The following REC114 variants were observed in gnomAD, a reference collection of about 807,000 sequenced individuals.
REC114 encodes REC114 meiotic recombination protein.
REC114 carries 27 observed loss-of-function variants against 31.3 expected under a neutral mutation model. The ratio of observed to expected loss-of-function variants is 0.86; its 90% CI spans 0.64 to 1.19. The LOEUF is 1.19. REC114 is among the 50% of genes most tolerant of loss of function. REC114 has a pLI of 0.00. For missense variants in REC114, 344 were observed against 326.9 expected (o/e 1.05, Z -0.40); for synonymous variants, 134 against 127.7 (o/e 1.05, Z -0.33).
At chr15:73,493,463 C>A (rs1352123024) in intron 2 of REC114, among the ~76,000 whole-genome samples, 1 of 151,726 alleles carries the variant, frequency 6.6e-6, no homozygotes, top group Non-Finnish European at 1.5e-5. Flanking sequence ...TTAAGTTTTC[C>A]CCTTTCATTT....
intron 4 of REC114, among the ~76,000 whole-genome samples, 184 bp downstream of exon 4, chr15:73,551,334 G>A (rs1894390029): frequency 6.6e-6 from 1 of 152,158 alleles, no homozygotes; most frequent in African/African-American, 2.4e-5. Context: ...ATTAGGCAGG[G>A]AGGAGTTCCA....
At chr15:73,528,559 C>G (rs1055886271) in intron 2 of REC114, among the ~76,000 whole-genome samples, 10 of 152,164 alleles carry the variant, frequency 6.6e-5, no homozygotes, top group Non-Finnish European at 1.2e-4. Context: ...GCACACAATG[C>G]GTGGGACACA....
At chr15:73,537,072 GTT>G in intron 2 of REC114, among the ~76,000 whole-genome samples, 1 of 152,202 alleles carries the variant, frequency 6.6e-6, no homozygotes, top group Non-Finnish European at 1.5e-5. Flanking sequence ...ACCTTCTAGT[GTT>G]AAGCACTATA....
intron 2 of REC114, among the ~76,000 whole-genome samples, chr15:73,485,287 T>C (rs539550840): frequency 1.6e-4 from 25 of 152,268 alleles, no homozygotes; most frequent in Non-Finnish European, 3.5e-4. Context: ...TTTCACCGTG[T>C]TGGCCAGGAT....
chr15:73,460,094 A>G (rs1448778918), intron 1 of REC114, among the ~76,000 whole-genome samples: 1 of 152,176 alleles, frequency 6.6e-6, no homozygotes, highest in Non-Finnish European at 1.5e-5. Context: ...GTTCTAAAGC[A>G]TTAGTTTATA....
chr15:73,516,861 A>G (rs1893865251), intron 2 of REC114, among the ~76,000 whole-genome samples: 1 of 152,138 alleles, frequency 6.6e-6, no homozygotes, highest in Non-Finnish European at 1.5e-5. Flanking sequence ...TCCTGATCGG[A>G]GGTGATCTGC....
intron 2 of REC114, among the ~76,000 whole-genome samples, chr15:73,494,516 A>C (rs571883681): frequency 6.6e-6 from 1 of 151,892 alleles, no homozygotes; most frequent in South Asian, 2.1e-4. Context: ...AAAATTGAAG[A>C]TATTTTCTTA....
chr15:73,486,106 C>CT (rs917442456), intron 2 of REC114, among the ~76,000 whole-genome samples: 7 of 150,882 alleles, frequency 4.6e-5, no homozygotes, highest in South Asian at 2.1e-4. Context: ...ACCTTTTTTC[C>CT]TTTTTTTTTG....
chr15:73,447,232 A>G (rs542625448), intron 1 of REC114, among the ~76,000 whole-genome samples: 2 of 152,188 alleles, frequency 1.3e-5, no homozygotes, highest in Non-Finnish European at 2.9e-5. Context: ...GAGATACTGA[A>G]TAGGTGGTTG....
intron 2 of REC114, among the ~76,000 whole-genome samples, chr15:73,495,322 A>C (rs1056254954): frequency 9.9e-5 from 15 of 151,898 alleles, no homozygotes; most frequent in Non-Finnish European, 1.8e-4. Context: ...TTACTTTACT[A>C]GATTTGTAGT....
intron 2 of REC114, among the ~76,000 whole-genome samples, chr15:73,509,825 T>C (rs1893736715): frequency 6.6e-6 from 1 of 152,158 alleles, no homozygotes; most frequent in African/African-American, 2.4e-5. Flanking sequence ...ACCAGTCCCA[T>C]GCTGTTTTGG....
At chr15:73,556,498 C>T in intron 5 of REC114, 107 bp downstream of exon 5, 1 of 924,090 alleles carries the variant, frequency 1.1e-6, no homozygotes, top group South Asian at 1.7e-5. Context: ...ACTTCTAAAG[C>T]ATTACTCTAA....
At chr15:73,552,263 C>T (rs1209147509) in intron 4 of REC114, among the ~76,000 whole-genome samples, 3 of 152,200 alleles carry the variant, frequency 2.0e-5, no homozygotes, top group African/African-American at 7.2e-5. Context: ...CTCCCTTCTC[C>T]ATCTATAATT....
At chr15:73,544,118 C>T (rs923021319) in intron 3 of REC114, among the ~76,000 whole-genome samples, 20 of 151,792 alleles carry the variant, frequency 1.3e-4, no homozygotes, top group African/African-American at 4.8e-4. Context: ...GCCAATGGTT[C>T]GATATTCTTT....
At chr15:73,502,184 G>C (rs964307925) in intron 2 of REC114, among the ~76,000 whole-genome samples, 2 of 151,834 alleles carry the variant, frequency 1.3e-5, no homozygotes, top group East Asian at 3.9e-4. Flanking sequence ...AGAATGCCAG[G>C]AATTTTAGAT....
At chr15:73,528,063 TA>T (rs147538535) in intron 2 of REC114, among the ~76,000 whole-genome samples, 4 of 151,364 alleles carry the variant, frequency 2.6e-5, no homozygotes, top group East Asian at 3.9e-4. Context: ...GACACTTTTT[TA>T]AAAAAAAACC....
At chr15:73,505,603 C>T (rs1893665667) in intron 2 of REC114, among the ~76,000 whole-genome samples, 1 of 152,112 alleles carries the variant, frequency 6.6e-6, no homozygotes. Context: ...GCGATCTCCG[C>T]TCACTGCAAG....
intron 2 of REC114, among the ~76,000 whole-genome samples, chr15:73,488,019 G>A (rs921726924): frequency 4.6e-5 from 7 of 152,192 alleles, no homozygotes; most frequent in Non-Finnish European, 7.4e-5. Context: ...GCCCTCTGGA[G>A]TGGTGGCCAG....
chr15:73,446,594 C>T (rs989599989), intron 1 of REC114, among the ~76,000 whole-genome samples: 3 of 151,260 alleles, frequency 2.0e-5, no homozygotes, highest in Non-Finnish European at 4.4e-5. Flanking sequence ...GAGCTGAGAT[C>T]GTGGCACTGC....
Sources: gnomAD v4.1 joint callset for allele counts (sites outside exome capture counted in the v4.1 genomes callset) on GRCh38, gnomAD v4.1.1 for gene constraint, MANE v1.5 for transcripts, NCBI Gene and HGNC (gene_info 2026-07-23, HGNC 2026-07-21) for gene names.